The following POLK variants were observed in gnomAD, a reference collection of about 807,000 sequenced individuals.
The protein encoded by POLK is polymerase (DNA directed) kappa.
Under a neutral mutation model 94.0 loss-of-function variants are expected in POLK, and 76 were observed. That is an observed-to-expected ratio of 0.81 (90% CI 0.67 to 0.98). The LOEUF (loss-of-function observed/expected upper bound fraction) is 0.98, where lower values mean the gene tolerates loss of function less well. Ranked by LOEUF, POLK falls within the 50% of genes least tolerant of loss-of-function variation. The probability of loss-of-function intolerance (pLI) is 0.00; values close to 1 mark genes in which losing one functional copy is unlikely to be tolerated. For missense variants in POLK, 954 were observed against 1,010.1 expected (o/e 0.94, Z 0.75); for synonymous variants, 349 against 325.4 (o/e 1.07, Z -0.78).
chr5:75,569,456 G>A (rs1255289942), exon 4 of POLK: 2 of 1,613,650 alleles, frequency 1.2e-6, no homozygotes, highest in African/African-American at 1.3e-5. Flanking sequence ...CAGAATTGAA[G>A]GATAAACCCA....
chr5:75,580,861 G>T (rs372753614), intron 6 of POLK, among the ~76,000 whole-genome samples: 1 of 148,536 alleles, frequency 6.7e-6, no homozygotes. Flanking sequence ...ATAAAGAAAA[G>T]ATTTCCTTTT....
At chr5:75,547,144 T>C (rs1299729614) in exon 2 of POLK, 3 of 1,544,696 alleles carry the variant, frequency 1.9e-6, no homozygotes, top group Non-Finnish European at 2.6e-6. Flanking sequence ...AAAATTATAA[T>C]GGAAGCCACG....
At chr5:75,587,737 A>G (rs950302176) in intron 10 of POLK, among the ~76,000 whole-genome samples, 1 of 152,178 alleles carries the variant, frequency 6.6e-6, no homozygotes, top group African/African-American at 2.4e-5. Context: ...CCTGGCCAAC[A>G]TGGCAAAACC....
At chr5:75,602,603 C>T (rs1773318702), downstream of POLK, among the ~76,000 whole-genome samples, 1 of 152,088 alleles carries the variant, frequency 6.6e-6, no homozygotes, top group South Asian at 2.1e-4. Context: ...TTTTTCCTGC[C>T]TCACTTGAAT....
At chr5:75,523,803 G>A (rs767459638) in intron 1 of POLK, among the ~76,000 whole-genome samples, 1 of 152,012 alleles carries the variant, frequency 6.6e-6, no homozygotes, top group African/African-American at 2.4e-5. Context: ...GGTGAGGAAG[G>A]CATCTTTGTT....
chr5:75,529,382 A>G (rs1007553272), intron 1 of POLK, among the ~76,000 whole-genome samples: 3 of 149,406 alleles, frequency 2.0e-5, no homozygotes, highest in Admixed American at 6.6e-5. Context: ...GTCATAGGTC[A>G]TGACCTACCC....
chr5:75,589,551 C>T (rs1470763206), intron 10 of POLK, among the ~76,000 whole-genome samples: 3 of 151,936 alleles, frequency 2.0e-5, no homozygotes, highest in Admixed American at 1.3e-4. Context: ...CCTGGGTTCT[C>T]GCCATTCTCC....
At chr5:75,520,709 A>G (rs980682248) in intron 1 of POLK, among the ~76,000 whole-genome samples, 2 of 152,220 alleles carry the variant, frequency 1.3e-5, no homozygotes, top group Admixed American at 6.5e-5. Flanking sequence ...TAGACTAGCA[A>G]TGAGTTTTAT....
At chr5:75,566,288 T>A (rs528701608) in intron 3 of POLK, among the ~76,000 whole-genome samples, 7 of 152,326 alleles carry the variant, frequency 4.6e-5, no homozygotes, top group African/African-American at 1.7e-4. Flanking sequence ...CCAGTGGATC[T>A]TAGCTTGCTG....
chr5:75,562,270 A>G (rs1771029158), intron 3 of POLK, among the ~76,000 whole-genome samples: 1 of 152,090 alleles, frequency 6.6e-6, no homozygotes, highest in Non-Finnish European at 1.5e-5. Context: ...TTCTCTTTGT[A>G]GCAATTGTGA....
intron 3 of POLK, among the ~76,000 whole-genome samples, chr5:75,565,566 T>A (rs1771223474): frequency 6.6e-6 from 1 of 152,198 alleles, no homozygotes; most frequent in Non-Finnish European, 1.5e-5. Context: ...ATGGCGTTTT[T>A]GCGTGGTTAT....
At position 75,568,040 on chromosome 5, in the gene POLK, G is replaced by A. The variant is rs556717077; in HGVS notation, c.256-1300G>A. ...CATAAAAAAAATTCTGCAGAGTGGA[G>A]GCAAAGCTGGAGTACAACATGAGGG... is the stretch of plus-strand genomic sequence containing the variant. On this transcript the variant is annotated intron_variant, in intron 3 of 14. Coordinates refer to ENST00000241436, the Ensembl canonical transcript of POLK. 4.6e-5 allele frequency among the ~76,000 whole-genome samples: 7 copies of A among 152,280 alleles called. No homozygotes were observed. In the East Asian group the frequency reaches 1.4e-3, roughly 29 times the overall value.
chr5:75,511,458 G>T (rs977873801), upstream of POLK: 2 of 1,529,484 alleles, frequency 1.3e-6, no homozygotes, highest in Admixed American at 2.0e-5. Flanking sequence ...CGCCGCCGTC[G>T]CCGTGACCCC....
intron 1 of POLK, among the ~76,000 whole-genome samples, chr5:75,518,522 T>G (rs1768420514): frequency 6.6e-6 from 1 of 152,000 alleles, no homozygotes; most frequent in South Asian, 2.1e-4. Flanking sequence ...GAATTTTCTT[T>G]CTTTTATTTG....
At chr5:75,531,157 T>A (rs114319627) in intron 1 of POLK, among the ~76,000 whole-genome samples, 1 of 152,104 alleles carries the variant, frequency 6.6e-6, no homozygotes, top group Non-Finnish European at 1.5e-5. Flanking sequence ...TGAAAATGTT[T>A]TTTTTCCTCG....
downstream of POLK, among the ~76,000 whole-genome samples, chr5:75,601,329 GTCT>G (rs932040217): frequency 5.3e-5 from 8 of 152,030 alleles, no homozygotes; most frequent in Non-Finnish European, 1.2e-4. Flanking sequence ...TCAGTATTTG[GTCT>G]TCTTTCCAAA....
intron 1 of POLK, among the ~76,000 whole-genome samples, chr5:75,524,303 C>T (rs1359364230): frequency 6.6e-6 from 1 of 152,130 alleles, no homozygotes; most frequent in Admixed American, 6.5e-5. Flanking sequence ...GAGTCAGTCC[C>T]AGGTGCCTTC....
chr5:75,579,506 C>T (rs1368745080), intron 6 of POLK, among the ~76,000 whole-genome samples: 2 of 151,532 alleles, frequency 1.3e-5, no homozygotes, highest in Non-Finnish European at 2.9e-5. Flanking sequence ...AGTAGCTGTG[C>T]GCCACCATTC....
At chr5:75,532,329 G>C (rs993737448) in intron 1 of POLK, among the ~76,000 whole-genome samples, 1 of 152,186 alleles carries the variant, frequency 6.6e-6, no homozygotes, top group Non-Finnish European at 1.5e-5. Context: ...AGAACATGCA[G>C]TGTTTGGTTT....
Sources: gnomAD v4.1 joint callset for allele counts (sites outside exome capture counted in the v4.1 genomes callset) on GRCh38, gnomAD v4.1.1 for gene constraint, MANE v1.5 for transcripts, NCBI Gene and HGNC (gene_info 2026-07-23, HGNC 2026-07-21) for gene names.